Variants in CDK8 observed in about 807,000 individuals in gnomAD.
CDK8 encodes the protein cyclin dependent kinase 8.
CDK8 carries 29 observed loss-of-function variants against 71.5 expected under a neutral mutation model. The observed-to-expected ratio is 0.41, with a 90% CI of 0.30 to 0.55. The LOEUF (loss-of-function observed/expected upper bound fraction) is 0.55, where lower values mean the gene tolerates loss of function less well. Ranked by LOEUF, CDK8 falls within the 20% of genes least tolerant of loss-of-function variation. The pLI, the probability that CDK8 is intolerant of heterozygous loss-of-function variation, is 0.37. For missense variants in CDK8, 288 were observed against 572.6 expected (o/e 0.50, Z 5.07); for synonymous variants, 161 against 192.1 (o/e 0.84, Z 1.34).
chr13:26,332,855 A>G (rs1330416924), intron 1 of CDK8, among the ~76,000 whole-genome samples: 1 of 152,196 alleles, frequency 6.6e-6, no homozygotes, highest in African/African-American at 2.4e-5. Flanking sequence ...CATACCTTGA[A>G]CATACATTGC....
At chr13:26,337,489 A>G in intron 1 of CDK8, 78 bp from the exon 2 acceptor site, 1 of 531,312 alleles carries the variant, frequency 1.9e-6, no homozygotes, top group Admixed American at 3.9e-5. Context: ...CGTGATTTAT[A>G]TTTATTTATA....
intron 4 of CDK8, among the ~76,000 whole-genome samples, chr13:26,361,905 C>T (rs1473103397): frequency 1.4e-5 from 2 of 145,410 alleles, no homozygotes; most frequent in Non-Finnish European, 3.0e-5. Context: ...GCCGGGATTA[C>T]AGGCCTGAGC....
At chr13:26,389,677 T>A (rs914486910) in intron 6 of CDK8, among the ~76,000 whole-genome samples, 2 of 151,940 alleles carry the variant, frequency 1.3e-5, no homozygotes, top group African/African-American at 4.8e-5. Flanking sequence ...AAATTTATAA[T>A]ATACACAAAC....
chr13:26,365,194 TAAC>T (rs1032521655), intron 4 of CDK8, among the ~76,000 whole-genome samples: 1 of 152,198 alleles, frequency 6.6e-6, no homozygotes, highest in African/African-American at 2.4e-5. Context: ...ATGGGTTTGG[TAAC>T]AACTGATTAA....
intron 1 of CDK8, among the ~76,000 whole-genome samples, chr13:26,262,576 A>G (rs1259632447): frequency 6.6e-6 from 1 of 152,236 alleles, no homozygotes; most frequent in African/African-American, 2.4e-5. Context: ...ACCAAAATCA[A>G]TCCAAAGGCA....
chr13:26,288,189 C>G (rs1374135255), intron 1 of CDK8, among the ~76,000 whole-genome samples: 1 of 152,140 alleles, frequency 6.6e-6, no homozygotes, highest in Non-Finnish European at 1.5e-5. Flanking sequence ...ATCTTGAATT[C>G]CTGACCTCGT....
At position 26,401,761 on chromosome 13, in the gene CDK8, C is replaced by T; in HGVS notation, c.1269+137C>T. ...ATACATTAACATGAAATGTTACTGGCATGGAAAAGTACTGACAGTGGTATG... is the reference window on the plus strand; with the variant it reads ...ATACATTAACATGAAATGTTACTGGTATGGAAAAGTACTGACAGTGGTATG... On this transcript the variant is annotated intron_variant, in intron 12 of 12. Coordinates refer to ENST00000381527, the MANE Select transcript of CDK8 (RefSeq NM_001260.3). The surrounding 1 kb of genome is among the most constrained non-coding windows in gnomAD (Gnocchi z 4.5). 2.2e-6 allele frequency: 2 copies of T among 907,234 alleles called. No individual in the cohort carries two copies. Among genetic ancestry groups the T allele is most frequent in the Non-Finnish European group, 3.4e-6 (2 of 589,310 alleles). 56.2% of individuals were successfully genotyped at this position (907,234 alleles called of 1,614,324 possible). A position where few individuals can be genotyped will look rare whatever the true frequency, so the allele number is the denominator to read the frequency against.
At position 26,400,956 on chromosome 13, in the gene CDK8, G is replaced by GACAC. The variant is rs147381074; in HGVS notation, c.1032-311_1032-308dup. ...AAAACAAAAATTACCTTTGAATGGT[G>GACAC]ACACATACTTCAGCTAGAATCTATA... On this transcript the variant is annotated intron_variant, in intron 10 of 12. Transcript: ENST00000381527. 6.8e-3 allele frequency among the ~76,000 whole-genome samples: 1,033 copies of GACAC among 152,250 alleles called. 8 individuals carry two copies. The highest frequency in any genetic ancestry group is 0.024 in the Middle Eastern group (7 of 294).
rs188309058 is a variant in CDK8, at chr13:26,306,253, G to T, written c.129-31314G>T. ...TTGCATCCTTTCCTGTATCTTCCCTGGCATTAGTGGTTTCTGGACTGTAAA... is the reference window on the plus strand; with the variant it reads ...TTGCATCCTTTCCTGTATCTTCCCTTGCATTAGTGGTTTCTGGACTGTAAA... On this transcript the variant is annotated intron_variant, in intron 1 of 12. Coordinates refer to ENST00000381527, the MANE Select transcript of CDK8 (RefSeq NM_001260.3). Among the ~76,000 whole-genome samples, 312 of 152,180 alleles carry T rather than the reference G, an allele frequency of 2.1e-3. 1 individual carries two copies. Among genetic ancestry groups the T allele is most frequent in the Non-Finnish European group, 2.0e-3 (134 of 68,010 alleles).
intron 3 of CDK8, among the ~76,000 whole-genome samples, chr13:26,350,682 C>G (rs903030906): frequency 2.0e-5 from 3 of 152,112 alleles, no homozygotes; most frequent in African/African-American, 7.2e-5. Flanking sequence ...ATCTGCCCAC[C>G]TCGGCCTCCC....
chr13:26,290,673 G>A (rs1873251293), intron 1 of CDK8, among the ~76,000 whole-genome samples: 1 of 152,124 alleles, frequency 6.6e-6, no homozygotes, highest in African/African-American at 2.4e-5. Flanking sequence ...TGACGTTGAA[G>A]TGAGTTGAGA....
Position 26,404,481 on chromosome 13 carries a change from A to T in CDK8, c.*400A>T, listed in dbSNP as rs1231194204. ...TATCTGACCAATAGTACACACACAG[A>T]CACAAAGTTTAACTGGTACTTGAAA... On this transcript the variant is annotated 3_prime_UTR_variant, in exon 13 of 13. Coordinates refer to ENST00000381527, the MANE Select transcript of CDK8 (RefSeq NM_001260.3). 8.2e-6 allele frequency: 2 copies of T among 244,760 alleles called. No individual in the cohort carries two copies. The allele number at this position is 244,760 out of a possible 1,614,324, so 15.2% of individuals were successfully genotyped here.
At chr13:26,314,683 T>C (rs1413913996) in intron 1 of CDK8, among the ~76,000 whole-genome samples, 1 of 152,188 alleles carries the variant, frequency 6.6e-6, no homozygotes, top group Non-Finnish European at 1.5e-5. Flanking sequence ...GCGTGTAATA[T>C]GGGAAAATTT....
intron 1 of CDK8, among the ~76,000 whole-genome samples, chr13:26,336,458 C>T (rs996664391): frequency 6.6e-6 from 1 of 151,588 alleles, no homozygotes; most frequent in African/African-American, 2.4e-5. Flanking sequence ...TTGTCAGGGT[C>T]CACAGTAATT....
intron 1 of CDK8, among the ~76,000 whole-genome samples, chr13:26,266,186 T>G (rs1872010630): frequency 1.3e-5 from 2 of 152,184 alleles, no homozygotes; most frequent in South Asian, 2.1e-4. Context: ...ATATGTTGAC[T>G]TTCAGGTACC....
rs566646749 is a variant in CDK8, at chr13:26,298,960, C to T, written c.129-38607C>T. Among the ~76,000 whole-genome samples, 45 of 152,056 alleles carry T rather than the reference C, an allele frequency of 3.0e-4. 1 individual carries two copies. Among genetic ancestry groups the T allele is most frequent in the Admixed American group, 1.4e-3 (22 of 15,254 alleles). Reference sequence around the variant, plus strand: ...ACCAGTGGTTAACTGTGGTAATTTGCCCCTGGATTTCATCCAATATGCTTT... The same window carrying T: ...ACCAGTGGTTAACTGTGGTAATTTGTCCCTGGATTTCATCCAATATGCTTT... On this transcript the variant is annotated intron_variant, in intron 1 of 12. Coordinates refer to ENST00000381527, the MANE Select transcript of CDK8 (RefSeq NM_001260.3).
At chr13:26,269,758 T>G (rs1350293574) in intron 1 of CDK8, among the ~76,000 whole-genome samples, 1 of 152,200 alleles carries the variant, frequency 6.6e-6, no homozygotes, top group African/African-American at 2.4e-5. Context: ...TTGGTGGTTT[T>G]CAAATGAGAA....
chr13:26,382,566 G>T (rs1261659870), intron 4 of CDK8, among the ~76,000 whole-genome samples: 1 of 152,166 alleles, frequency 6.6e-6, no homozygotes, highest in African/African-American at 2.4e-5. Flanking sequence ...AAAACAGACT[G>T]ATAAGAGGGC....
chr13:26,305,686 C>T (rs1257928879), intron 1 of CDK8, among the ~76,000 whole-genome samples: 1 of 152,056 alleles, frequency 6.6e-6, no homozygotes, highest in East Asian at 1.9e-4. Context: ...TCTAGTATCT[C>T]TTCCAGTTGA....
Sources: gnomAD v4.1 joint callset for allele counts (sites outside exome capture counted in the v4.1 genomes callset) on GRCh38, gnomAD v4.1.1 for gene constraint, Gnocchi (gnomAD v3.1) non-coding constraint, MANE v1.5 for transcripts, NCBI Gene and HGNC (gene_info 2026-07-23, HGNC 2026-07-21) for gene names.